Variants in RANBP2 observed in about 807,000 individuals in gnomAD.
The protein encoded by RANBP2 is E3 SUMO-protein ligase RanBP2.
Under a neutral mutation model 303.6 loss-of-function variants are expected in RANBP2, and 57 were observed. The ratio of observed to expected loss-of-function variants is 0.19; its 90% CI spans 0.15 to 0.23. RANBP2 has a LOEUF of 0.23. RANBP2 is among the 10% of genes least tolerant of loss of function. The pLI, the probability that RANBP2 is intolerant of heterozygous loss-of-function variation, is 1.00. For missense variants in RANBP2, 3,138 were observed against 3,780.8 expected, an observed-to-expected ratio of 0.83 and a Z score of 4.46; for synonymous variants, 1,167 against 1,301.5, an observed-to-expected ratio of 0.90 and a Z score of 2.23.
chr2:109,523,110 G>C, the RANBP2 span, among the ~76,000 whole-genome samples: 4 of 152,134 alleles, frequency 2.6e-5, no homozygotes, highest in African/African-American at 7.2e-5. Flanking sequence ...AGGTTGCCTG[G>C]GGGTAGTCAG....
intron 3 of RANBP2, 116 bp downstream of exon 3, chr2:108,731,001 A>G (rs1370013848): frequency 1.9e-5 from 25 of 1,285,796 alleles, no homozygotes; most frequent in Non-Finnish European, 2.7e-5. Context: ...CATTGGTATC[A>G]TAGTACAGTT....
chr2:108,811,832 A>G, the RANBP2 span, among the ~76,000 whole-genome samples: 1 of 152,024 alleles, frequency 6.6e-6, no homozygotes, highest in South Asian at 2.1e-4. Flanking sequence ...GTGTGTACCC[A>G]TTGTTTATCT....
chr2:109,423,477 C>T, the RANBP2 span, among the ~76,000 whole-genome samples: 3 of 152,202 alleles, frequency 2.0e-5, no homozygotes, highest in Admixed American at 2.0e-4. Context: ...AAAAGGACTG[C>T]TGACCAAACC....
the RANBP2 span, among the ~76,000 whole-genome samples, chr2:109,203,977 C>T: frequency 6.6e-6 from 1 of 152,210 alleles, no homozygotes; most frequent in Non-Finnish European, 1.5e-5. Context: ...CAGTGTGAAG[C>T]ATTTGTGGGC....
chr2:109,574,372 C>T, the RANBP2 span, among the ~76,000 whole-genome samples: 16 of 144,130 alleles, frequency 1.1e-4, no homozygotes, highest in Non-Finnish European at 1.8e-4. Flanking sequence ...TTTGAGCCCA[C>T]GGGTTTGAGG....
chr2:109,379,440 G>A, the RANBP2 span, among the ~76,000 whole-genome samples: 9 of 152,112 alleles, frequency 5.9e-5, no homozygotes, highest in African/African-American at 2.2e-4. Context: ...TCGCATGTTT[G>A]TTTCACTGCT....
the RANBP2 span, among the ~76,000 whole-genome samples, chr2:109,680,649 C>G: frequency 6.6e-6 from 1 of 152,236 alleles, no homozygotes; most frequent in East Asian, 1.9e-4. Context: ...TGGCGCTGAG[C>G]TGACCCCCAG....
At chr2:109,005,213 T>C in the RANBP2 span, among the ~76,000 whole-genome samples, 1 of 152,194 alleles carries the variant, frequency 6.6e-6, no homozygotes, top group Non-Finnish European at 1.5e-5. Flanking sequence ...AGGAATCTGG[T>C]TCCTGAAGCA....
chr2:108,813,275 A>G, the RANBP2 span, among the ~76,000 whole-genome samples: 1 of 150,046 alleles, frequency 6.7e-6, no homozygotes, highest in South Asian at 2.1e-4. Context: ...AAAAAAAAGA[A>G]AATTTCTCCA....
At chr2:109,451,567 G>A in the RANBP2 span, among the ~76,000 whole-genome samples, 1 of 152,206 alleles carries the variant, frequency 6.6e-6, no homozygotes. Context: ...GGAGGATGAT[G>A]CTGTTCCCCA....
At chr2:108,961,321 T>G in the RANBP2 span, among the ~76,000 whole-genome samples, 2 of 152,176 alleles carry the variant, frequency 1.3e-5, no homozygotes, top group Non-Finnish European at 2.9e-5. Flanking sequence ...TGGAGGCCTC[T>G]GCCCCCAGGA....
chr2:108,808,422 T>G, the RANBP2 span, among the ~76,000 whole-genome samples: 3 of 152,206 alleles, frequency 2.0e-5, no homozygotes, highest in Admixed American at 6.5e-5. Context: ...TTCGTTTTTT[T>G]GGGAACCTGA....
At chr2:109,006,827 C>T in the RANBP2 span, among the ~76,000 whole-genome samples, 1 of 152,196 alleles carries the variant, frequency 6.6e-6, no homozygotes, top group South Asian at 2.1e-4. Context: ...CTTAGGGCAG[C>T]TATTGCAATT....
the RANBP2 span, chr2:108,794,456 G>T: frequency 8.4e-7 from 1 of 1,189,306 alleles, no homozygotes; most frequent in South Asian, 1.7e-5. Flanking sequence ...TGTACTTAAA[G>T]CATCTCTTCC....
the RANBP2 span, among the ~76,000 whole-genome samples, chr2:109,230,045 C>T: frequency 3.3e-5 from 5 of 151,754 alleles, no homozygotes; most frequent in South Asian, 2.1e-4. Context: ...AGGATGGTCT[C>T]GATCTCTTGA....
chr2:109,259,883 C>G, the RANBP2 span, among the ~76,000 whole-genome samples: 2 of 152,154 alleles, frequency 1.3e-5, no homozygotes, highest in Non-Finnish European at 2.9e-5. Context: ...GGGGATGGCT[C>G]TGGAAACTGT....
At chr2:109,193,030 T>C in the RANBP2 span, among the ~76,000 whole-genome samples, 1 of 152,224 alleles carries the variant, frequency 6.6e-6, no homozygotes, top group Non-Finnish European at 1.5e-5. Context: ...TACAGATCCA[T>C]CAACAGATGT....
chr2:109,187,990 C>T, the RANBP2 span, among the ~76,000 whole-genome samples: 1 of 152,180 alleles, frequency 6.6e-6, no homozygotes, highest in African/African-American at 2.4e-5. Flanking sequence ...AAGGGGGGCA[C>T]AGCGGGGGTT....
At chr2:108,884,350 G>C in the RANBP2 span, 1 of 152,312 alleles carries the variant, frequency 6.6e-6, no homozygotes, top group Admixed American at 6.5e-5. Flanking sequence ...ACACTCCTCA[G>C]AATGGGAGCT....
Sources: allele counts gnomAD v4.1 joint callset (sites outside exome capture counted in the v4.1 genomes callset), GRCh38; gene constraint gnomAD v4.1.1; transcripts MANE v1.5; gene names NCBI Gene and HGNC (gene_info 2026-07-23, HGNC 2026-07-21).